The following VTI1A variants were observed in gnomAD, a reference collection of about 807,000 sequenced individuals.
VTI1A encodes the protein vesicle transport through interaction with t-SNAREs 1A.
A neutral mutation model predicts 34.9 loss-of-function variants in VTI1A; 22 were observed. The observed-to-expected ratio is 0.63, with a 90% CI of 0.45 to 0.90. The LOEUF is 0.90. Ranked by LOEUF, VTI1A falls within the 40% of genes least tolerant of loss-of-function variation. The probability of loss-of-function intolerance (pLI) is 0.00; values close to 1 mark genes in which losing one functional copy is unlikely to be tolerated. For synonymous variants in VTI1A, 87 were observed against 97.3 expected (o/e 0.89, Z 0.62); for missense variants, 268 against 275.6 (o/e 0.97, Z 0.20).
chr10:112,572,521 C>T (rs1302989679), intron 5 of VTI1A, among the ~76,000 whole-genome samples: 1 of 152,084 alleles, frequency 6.6e-6, no homozygotes, highest in Non-Finnish European at 1.5e-5. Context: ...GGCTGTTTGT[C>T]ATAATAACTT....
chr10:112,481,305 C>T (rs1370994247), intron 3 of VTI1A, among the ~76,000 whole-genome samples: 5 of 152,254 alleles, frequency 3.3e-5, no homozygotes, highest in South Asian at 4.1e-4. Flanking sequence ...AGAGAAGCCG[C>T]GACTGAATAA....
At chr10:112,658,268 A>G (rs1398156095) in intron 5 of VTI1A, among the ~76,000 whole-genome samples, 2 of 151,718 alleles carry the variant, frequency 1.3e-5, no homozygotes, top group Non-Finnish European at 2.9e-5. Flanking sequence ...TTACTTTTTT[A>G]AGAGATGGTG....
At chr10:112,462,010 CT>C (rs955571601) in intron 2 of VTI1A, among the ~76,000 whole-genome samples, 11 of 152,146 alleles carry the variant, frequency 7.2e-5, no homozygotes, top group Non-Finnish European at 4.4e-5. Context: ...ACCACCATGC[CT>C]GGCTAATTTT....
chr10:112,589,018 CTT>C (rs3057340), intron 5 of VTI1A, among the ~76,000 whole-genome samples: 73,709 of 128,480 alleles, frequency 0.57, 21,421 homozygotes, highest in African/African-American at 0.72. Flanking sequence ...GACTCCTTGT[CTT>C]TTTTTTTTTT....
intron 3 of VTI1A, among the ~76,000 whole-genome samples, chr10:112,517,227 A>G (rs1023805797): frequency 1.3e-5 from 2 of 152,006 alleles, no homozygotes; most frequent in African/African-American, 4.8e-5. Context: ...TGTTAAGGAG[A>G]AAGTGGGCAA....
intron 3 of VTI1A, among the ~76,000 whole-genome samples, chr10:112,512,712 C>T (rs927489778): frequency 3.9e-5 from 6 of 151,914 alleles, no homozygotes; most frequent in African/African-American, 7.2e-5. Context: ...ACTTTGAATT[C>T]GTTTTGTATA....
chr10:112,645,884 A>G (rs1204189881), intron 5 of VTI1A, among the ~76,000 whole-genome samples: 1 of 150,390 alleles, frequency 6.6e-6, no homozygotes, highest in African/African-American at 2.4e-5. Flanking sequence ...CATCCATCCT[A>G]GAAGCATGTA....
At chr10:112,637,939 A>G (rs529581745) in intron 5 of VTI1A, among the ~76,000 whole-genome samples, 1 of 152,354 alleles carries the variant, frequency 6.6e-6, no homozygotes, top group Non-Finnish European at 1.5e-5. Flanking sequence ...TTGACACACA[A>G]TGCTTTGGAA....
the VTI1A span, chr10:112,826,253 C>T: frequency 1.3e-5 from 2 of 152,286 alleles, no homozygotes; most frequent in Admixed American, 1.3e-4. Context: ...GATTTAGAAA[C>T]CAGTGTGTGG....
upstream of VTI1A, chr10:112,447,025 CCG>C: frequency 3.6e-6 from 1 of 278,252 alleles, no homozygotes; most frequent in South Asian, 6.9e-5. Context: ...GGATCCGGAG[CCG>C]ATTCCCAGAA....
At chr10:112,597,693 CTT>C (rs1180451909) in intron 5 of VTI1A, among the ~76,000 whole-genome samples, 83 of 90,606 alleles carry the variant, frequency 9.2e-4, no homozygotes, top group Middle Eastern at 9.4e-3. Context: ...GACCTTGTCT[CTT>C]TTTTTTTTTT....
chr10:112,456,846 T>C (rs1847547146), intron 1 of VTI1A, among the ~76,000 whole-genome samples: 1 of 152,222 alleles, frequency 6.6e-6, no homozygotes, highest in Non-Finnish European at 1.5e-5. Flanking sequence ...CGCTCAAGAC[T>C]TTGCTTTAGC....
chr10:112,521,831 A>G (rs899992206), intron 3 of VTI1A, among the ~76,000 whole-genome samples: 4 of 152,094 alleles, frequency 2.6e-5, no homozygotes, highest in East Asian at 3.8e-4. Context: ...ACAAAAATTC[A>G]TAAGTTCCAT....
chr10:112,594,107 T>C lies in VTI1A; in HGVS notation c.427+55777T>C, dbSNP rs531268444. ...TTTGTATTTTTAGTAGAGTCGGGGT[T>C]TCACTGTGTTAGCCAGGATGGTCTC... On this transcript the variant is annotated intron_variant, in intron 5 of 7. Coordinates refer to ENST00000393077, the MANE Select transcript of VTI1A (RefSeq NM_145206.4). 7.0e-4 allele frequency among the ~76,000 whole-genome samples: 107 copies of C among 152,206 alleles called. 1 individual carries two copies. The highest frequency in any genetic ancestry group is 2.6e-3 in the African/African-American group (107 of 41,524).
At chr10:112,759,628 A>C (rs1030604589) in intron 7 of VTI1A, among the ~76,000 whole-genome samples, 6 of 152,214 alleles carry the variant, frequency 3.9e-5, no homozygotes, top group African/African-American at 1.4e-4. Flanking sequence ...ATCTGAATTC[A>C]GGGAATCCTC....
At chr10:112,629,543 C>G (rs1208569515) in intron 5 of VTI1A, among the ~76,000 whole-genome samples, 1 of 152,220 alleles carries the variant, frequency 6.6e-6, no homozygotes, top group Non-Finnish European at 1.5e-5. Context: ...GAAGGGGCTT[C>G]TTGTCTCCAG....
chr10:112,815,782 C>A lies in VTI1A; in HGVS notation c.*399C>A. On this transcript the variant is annotated 3_prime_UTR_variant, in exon 8 of 8. Coordinates refer to ENST00000393077, the MANE Select transcript of VTI1A (RefSeq NM_145206.4). The stretch of plus-strand genomic sequence containing the variant: ...ACCCGCCTCTTGTTGCTGAAAAGCT[C>A]TTCTGTGATGTCTGAGGATAAAAAT... 1 of 273,600 alleles carries A rather than the reference C, an allele frequency of 3.7e-6. No individual in the cohort carries two copies. Among genetic ancestry groups the A allele is most frequent in the Admixed American group, 4.9e-5 (1 of 20,318 alleles). The allele number at this position is 273,600 out of a possible 1,614,324, so 16.9% of individuals were successfully genotyped here.
chr10:112,457,229 A>G (rs1847564640), intron 1 of VTI1A, among the ~76,000 whole-genome samples: 1 of 152,220 alleles, frequency 6.6e-6, no homozygotes. Flanking sequence ...AATTTTAGGA[A>G]GATTAAATGG....
intron 7 of VTI1A, among the ~76,000 whole-genome samples, chr10:112,806,028 C>T (rs182001523): frequency 6.6e-6 from 1 of 152,202 alleles, no homozygotes; most frequent in South Asian, 2.1e-4. Context: ...AGAAACAGGG[C>T]GAAGCGACTC....
Sources: allele counts gnomAD v4.1 joint callset (sites outside exome capture counted in the v4.1 genomes callset), GRCh38; gene constraint gnomAD v4.1.1; transcripts MANE v1.5; gene names NCBI Gene and HGNC (gene_info 2026-07-23, HGNC 2026-07-21).